Variants in PTPN3 observed in about 807,000 individuals in gnomAD.
The protein encoded by PTPN3 is tyrosine-protein phosphatase non-receptor type 3.
Under a neutral mutation model 132.7 loss-of-function variants are expected in PTPN3, and 96 were observed. That is an observed-to-expected ratio of 0.72 (90% confidence interval 0.61 to 0.86). PTPN3 has a LOEUF of 0.86. Among genes scored for constraint, PTPN3 ranks in the 40% least tolerant of loss-of-function variants. The pLI, the probability that PTPN3 is intolerant of heterozygous loss-of-function variation, is 0.00. For missense variants in PTPN3, 1,125 were observed against 1,159.6 expected, an observed-to-expected ratio of 0.97 and a Z score of 0.43; for synonymous variants, 398 against 429.0, an observed-to-expected ratio of 0.93 and a Z score of 0.89.
In PTPN3 at chr9:109,400,236, C is replaced by A. The variant is rs114317541; in HGVS notation, c.1953+4212G>T. On this transcript the variant is annotated intron_variant, in intron 19 of 25. Transcript: ENST00000374541. ...AGCCCTCATGTCCGGCCTGTGACCA[C>A]CTCTTAGGCAGACATTGGGCATGTT... is the stretch of plus-strand genomic sequence containing the variant. Among the ~76,000 whole-genome samples the A allele has an allele frequency of 6.2e-3, 937 of 152,318 alleles. 5 individuals are homozygous for A. Among genetic ancestry groups the A allele is most frequent in the African/African-American group, 0.022 (907 of 41,572 alleles).
At chr9:109,381,513 G>C in intron 25 of PTPN3, 139 bp downstream of exon 25, 3 of 1,270,266 alleles carry the variant, frequency 2.4e-6, no homozygotes, top group Non-Finnish European at 3.3e-6. Context: ...TGTAGCCACT[G>C]ACAAGCTCTG....
intron 16 of PTPN3, among the ~76,000 whole-genome samples, chr9:109,408,797 AT>A (rs145937452): frequency 0.081 from 4,082 of 50,152 alleles, 114 homozygotes; most frequent in Non-Finnish European, 0.093. Context: ...AAAAAAAAAA[AT>A]ATATATATAT....
intron 19 of PTPN3, among the ~76,000 whole-genome samples, chr9:109,399,430 A>G (rs1045954948): frequency 1.3e-5 from 2 of 152,170 alleles, no homozygotes; most frequent in African/African-American, 2.4e-5. Flanking sequence ...CCATCTGTAA[A>G]AGGGTGATCC....
intron 5 of PTPN3, among the ~76,000 whole-genome samples, chr9:109,452,477 T>A (rs950744218): frequency 6.6e-6 from 1 of 151,760 alleles, no homozygotes; most frequent in African/African-American, 2.4e-5. Context: ...ACATACATAA[T>A]CACACACATT....
intron 13 of PTPN3, among the ~76,000 whole-genome samples, chr9:109,421,879 C>A (rs141864301): frequency 6.6e-6 from 1 of 152,196 alleles, no homozygotes; most frequent in Non-Finnish European, 1.5e-5. Flanking sequence ...TTTACAGCCA[C>A]GCACTCTTAC....
At chr9:109,533,724 C>T in the PTPN3 span, 1 of 1,463,414 alleles carries the variant, frequency 6.8e-7, no homozygotes. Flanking sequence ...GGTCCACGCC[C>T]ATAGGGTCTC....
At chr9:109,415,039 C>T (rs978551835) in intron 14 of PTPN3, among the ~76,000 whole-genome samples, 1 of 147,530 alleles carries the variant, frequency 6.8e-6, no homozygotes, top group Non-Finnish European at 1.5e-5. Context: ...TCTGTCCGTC[C>T]GTCCGTCCGT....
chr9:109,456,239 C>G (rs1490888948), intron 4 of PTPN3, among the ~76,000 whole-genome samples: 1 of 152,238 alleles, frequency 6.6e-6, no homozygotes, highest in African/African-American at 2.4e-5. Flanking sequence ...GCACTGGCCA[C>G]TTTTTGTGTG....
At chr9:109,481,769 G>A (rs775436220) in intron 1 of PTPN3, among the ~76,000 whole-genome samples, 1 of 152,170 alleles carries the variant, frequency 6.6e-6, no homozygotes, top group Non-Finnish European at 1.5e-5. Flanking sequence ...GATAAAATTG[G>A]GAACCCCATA....
chr9:109,391,446 G>A, intron 20 of PTPN3, 25 bp downstream of exon 20: 4 of 1,578,616 alleles, frequency 2.5e-6, no homozygotes, highest in Non-Finnish European at 3.5e-6. Context: ...TAGGGGGGAA[G>A]GAGGCATTCA....
chr9:109,401,472 A>C (rs532484478), intron 19 of PTPN3, among the ~76,000 whole-genome samples: 17 of 152,314 alleles, frequency 1.1e-4, no homozygotes, highest in African/African-American at 4.1e-4. Flanking sequence ...TTTATCTCTA[A>C]TGTCTTTGAA....
At chr9:109,418,489 G>C (rs1489703809) in intron 14 of PTPN3, among the ~76,000 whole-genome samples, 1 of 152,244 alleles carries the variant, frequency 6.6e-6, no homozygotes, top group Non-Finnish European at 1.5e-5. Context: ...CAGACTGCAA[G>C]CAAGGTGATG....
rs148268458 is a variant in PTPN3, at chr9:109,432,494, G to A, written c.764+579C>T. Among the ~76,000 whole-genome samples the A allele has an allele frequency of 7.9e-5, 12 of 152,218 alleles. No homozygotes were observed. The East Asian group carries it at 1.9e-3, about 24-fold the overall frequency. ...TTATGTAGATGGTATTATTTTGGTG[G>A]TGTTTCCCCTAAGAAAGCTCCCTGT... On this transcript the variant is annotated intron_variant, in intron 10 of 25. Transcript: ENST00000374541.
intron 1 of PTPN3, among the ~76,000 whole-genome samples, chr9:109,476,614 G>T (rs999988867): frequency 8.5e-5 from 13 of 152,176 alleles, no homozygotes; most frequent in Admixed American, 6.5e-4. Context: ...GACAGGAGGG[G>T]TCTTGCCAGG....
intron 6 of PTPN3, among the ~76,000 whole-genome samples, chr9:109,447,093 C>G (rs907353354): frequency 6.6e-6 from 1 of 152,154 alleles, no homozygotes; most frequent in Middle Eastern, 3.2e-3. Context: ...GAGGACTTGA[C>G]AAGGGCCACA....
intron 1 of PTPN3, among the ~76,000 whole-genome samples, chr9:109,470,694 C>A (rs199563225): frequency 6.5e-4 from 94 of 143,830 alleles, no homozygotes; most frequent in East Asian, 1.2e-3. Flanking sequence ...AGACCTCATC[C>A]AAAAAAAAAA....
intron 1 of PTPN3, among the ~76,000 whole-genome samples, chr9:109,477,333 G>A (rs1217509309): frequency 6.6e-6 from 1 of 152,072 alleles, no homozygotes; most frequent in Non-Finnish European, 1.5e-5. Context: ...AAACCTTCTT[G>A]CCCCCTAATT....
intron 1 of PTPN3, among the ~76,000 whole-genome samples, chr9:109,490,870 CTA>C (rs201839531): frequency 0.02 from 1,912 of 94,008 alleles, 32 homozygotes; most frequent in African/African-American, 0.072. Flanking sequence ...TTTTTTTTTG[CTA>C]TAAAAAAGGA....
the PTPN3 span, among the ~76,000 whole-genome samples, chr9:109,529,068 G>C: frequency 6.6e-6 from 1 of 152,188 alleles, no homozygotes; most frequent in Non-Finnish European, 1.5e-5. Flanking sequence ...TATGTTGGTA[G>C]TTGTTCTCTG....
Sources: gnomAD v4.1 joint callset for allele counts (sites outside exome capture counted in the v4.1 genomes callset) on GRCh38, gnomAD v4.1.1 for gene constraint, MANE v1.5 for transcripts, NCBI Gene and HGNC (gene_info 2026-07-23, HGNC 2026-07-21) for gene names.